The following CD34 variants were observed in gnomAD, a reference collection of about 807,000 sequenced individuals.
CD34 encodes hematopoietic progenitor cell antigen CD34.
A neutral mutation model predicts 40.1 loss-of-function variants in CD34; 34 were observed. The ratio of observed to expected loss-of-function variants is 0.85; its 90% confidence interval spans 0.65 to 1.13. CD34 has a LOEUF of 1.13. Among genes scored for constraint, CD34 ranks in the 50% most tolerant of loss-of-function variants. The pLI, the probability that CD34 is intolerant of heterozygous loss-of-function variation, is 0.00. For missense variants in CD34, 426 were observed against 466.9 expected (o/e 0.91, Z 0.81); for synonymous variants, 209 against 190.0 (o/e 1.10, Z -0.82).
At chr1:207,910,139 C>T (rs1167257513) in intron 1 of CD34, among the ~76,000 whole-genome samples, 2 of 151,462 alleles carry the variant, frequency 1.3e-5, no homozygotes, top group African/African-American at 4.9e-5. Flanking sequence ...TTTTTTTAAC[C>T]GAAGTGAGAG....
At chr1:207,907,765 T>G (rs1042339898) in intron 1 of CD34, among the ~76,000 whole-genome samples, 1 of 152,204 alleles carries the variant, frequency 6.6e-6, no homozygotes, top group Non-Finnish European at 1.5e-5. Flanking sequence ...CTAAAAGTCA[T>G]AGATAATATG....
intron 1 of CD34, among the ~76,000 whole-genome samples, chr1:207,909,439 C>T (rs529900395): frequency 5.3e-5 from 8 of 152,136 alleles, no homozygotes; most frequent in Non-Finnish European, 1.0e-4. Flanking sequence ...GAAGGAGTCT[C>T]GCTCTGTCTC....
At position 207,887,733 on chromosome 1, in the gene CD34, C is replaced by T. The variant is rs1382671502; in HGVS notation, c.*5G>A. On this transcript the variant is annotated 3_prime_UTR_variant, in exon 8 of 8. Transcript: ENST00000310833. ...CACTGCCCAGCCTTGCCCCACCTAG[C>T]CGAGTCACAATTCGGTATCAGCCAC... The T allele has an allele frequency of 6.2e-7, 1 of 1,613,958 alleles. No homozygotes were observed. Among genetic ancestry groups the T allele is most frequent in the African/African-American group, 1.3e-5 (1 of 74,874 alleles).
rs151003204 is a variant in CD34 at position 207,887,922 on chromosome 1, C to T, written c.974G>A (p.Gly325Asp). The stretch of plus-strand genomic sequence containing the variant: ...GTTTTCCGTGTAATAAGGGTCTTCG[C>T]CCTAGACAGTGTATAAATAAAGTAG... ...RSWSPTGERL[G>D]EDPYYTENGG... is the part of the protein sequence containing the mutation. Residue 325 changes from glycine (G) to aspartate (D), a missense_variant and splice_region_variant, in exon 8 of 8, where the codon GGC (glycine) becomes GAC (aspartate). Transcript: ENST00000310833. The T allele has an allele frequency of 2.0e-5, 33 of 1,613,456 alleles. No individual in the cohort carries two copies. The African/African-American group carries it at 3.5e-4, about 17-fold the overall frequency.
At chr1:207,898,119 C>T (rs925535847) in intron 3 of CD34, among the ~76,000 whole-genome samples, 3 of 151,838 alleles carry the variant, frequency 2.0e-5, no homozygotes, top group Non-Finnish European at 2.9e-5. Context: ...GATCTTGGCT[C>T]ACTGCAACCT....
At chr1:207,902,564 C>T in intron 1 of CD34, among the ~76,000 whole-genome samples, 1 of 152,182 alleles carries the variant, frequency 6.6e-6, no homozygotes, top group East Asian at 1.9e-4. Flanking sequence ...CTCAAGACAC[C>T]ATTCCAAGAC....
rs1379856736 is a variant in CD34, at chr1:207,884,189, C to G, written c.*3549G>C. 1.3e-5 allele frequency: 2 copies of G among 152,240 alleles called. No homozygotes were observed. The highest frequency in any genetic ancestry group is 4.8e-5 in the African/African-American group (2 of 41,460). 9.4% of individuals were successfully genotyped at this position (152,240 alleles called of 1,614,324 possible). On this transcript the variant is annotated 3_prime_UTR_variant, in exon 8 of 8. Coordinates refer to ENST00000310833, the MANE Select transcript of CD34 (RefSeq NM_001025109.2). ...TAATCTCTCCCAGCTTGGCATACAACCTGCTTCTCCACTTCATTCAAGTGA... is the reference window on the plus strand; with the variant it reads ...TAATCTCTCCCAGCTTGGCATACAAGCTGCTTCTCCACTTCATTCAAGTGA...
chr1:207,905,317 G>A (rs1051185400), intron 1 of CD34, among the ~76,000 whole-genome samples: 1 of 152,176 alleles, frequency 6.6e-6, no homozygotes, highest in African/African-American at 2.4e-5. Context: ...TGTATTTTTA[G>A]TAGAGACGGG....
intron 1 of CD34, among the ~76,000 whole-genome samples, chr1:207,904,204 GT>G (rs1219856087): frequency 6.6e-6 from 1 of 152,138 alleles, no homozygotes; most frequent in East Asian, 1.9e-4. Flanking sequence ...GCCCTCCTTA[GT>G]TTTTTCCTGG....
intron 1 of CD34, 79 bp downstream of exon 1, chr1:207,910,923 T>G (rs1345046698): frequency 7.3e-7 from 1 of 1,375,888 alleles, no homozygotes; most frequent in African/African-American, 1.4e-5. Flanking sequence ...GAGACTCTGC[T>G]CTGCTGTTCA....
chr1:207,888,785 G>A lies in CD34; in HGVS notation c.869C>T (p.Thr290Ile), dbSNP rs756721107. 1.2e-6 allele frequency: 2 copies of A among 1,614,050 alleles called. No individual in the cohort carries two copies. The highest frequency in any genetic ancestry group is 1.3e-5 in the African/African-American group (1 of 74,924). ...VASHQSYSQKTLIALVTSGAL... is the reference protein window; with the variant it reads ...VASHQSYSQKILIALVTSGAL... ...TCCCGAGGTGACCAGTGCAATCAGG[G>A]TCTTTTGGGAATAGCTCTGGTGGCT... The change falls in exon 7 of 8, where the codon ACC becomes ATC. Residue 290 changes from threonine (T) to isoleucine (I), a missense_variant. Physicochemically the swap from Thr to Ile is moderately conservative, Grantham distance 89. Transcript: ENST00000310833.
In CD34 at chr1:207,911,029, T is replaced by A. The variant is rs758179289; in HGVS notation, c.52A>T (p.Thr18Ser). ...AGCAAACTCAGCAAGCAAAGCGCGG[T>A]CCAGCCCCGCGGCATCCTGGGCCCT... is the stretch of plus-strand genomic sequence containing the variant. ...RAGPRMPRGW[T>S]ALCLLSLLPS... The change falls in exon 1 of 8, where the codon ACC (threonine) becomes TCC (serine). Residue 18 changes from threonine (T) to serine (S), a missense_variant. Transcript: ENST00000310833. The A allele has an allele frequency of 1.0e-5, 16 of 1,592,920 alleles. No individual in the cohort carries two copies. The highest frequency in any genetic ancestry group is 1.4e-5 in the Non-Finnish European group (16 of 1,173,018).
chr1:207,892,357 C>A (rs550325889), intron 4 of CD34, among the ~76,000 whole-genome samples: 3 of 152,226 alleles, frequency 2.0e-5, no homozygotes, highest in Admixed American at 6.5e-5. Flanking sequence ...ATGGACAAAT[C>A]AGATGAGGCC....
At position 207,898,961 on chromosome 1, in the gene CD34, C is replaced by A; in HGVS notation, c.516+12G>T. The A allele has an allele frequency of 6.2e-7, 1 of 1,613,310 alleles. No homozygotes were observed. The highest frequency in any genetic ancestry group is 8.5e-7 in the Non-Finnish European group (1 of 1,179,422). ...GAGGGGCAATCTGCCATTTTTGGCC[C>A]AATTCACCCACCTTGATGTCACTTA... On this transcript the variant is annotated intron_variant, in intron 3 of 7. Coordinates refer to ENST00000310833, the MANE Select transcript of CD34 (RefSeq NM_001025109.2).
At chr1:207,905,538 T>A (rs551887216) in intron 1 of CD34, among the ~76,000 whole-genome samples, 54 of 152,316 alleles carry the variant, frequency 3.5e-4, no homozygotes, top group South Asian at 1.0e-3. Context: ...CTCTGGCCCT[T>A]TATAGAAAAA....
At chr1:207,905,988 T>C (rs1448975193) in intron 1 of CD34, among the ~76,000 whole-genome samples, 3 of 152,232 alleles carry the variant, frequency 2.0e-5, no homozygotes, top group African/African-American at 4.8e-5. Flanking sequence ...ATTCATTCTG[T>C]GTATTCATTC....
rs759587686 is a variant in CD34, at chr1:207,911,054, T to TGC, written c.25_26dup (p.Gly10GlnfsTer15). ...TCCAGCCCCGCGGCATCCTGGGCCC[T>TGC]GCGCGCGCGCCCCTGCGGACCAGCA... On this transcript the variant is annotated frameshift_variant, in exon 1 of 8. Transcript: ENST00000310833. LOFTEE classifies it high-confidence loss of function. 6.3e-7 allele frequency: 1 copy of TGC among 1,591,696 alleles called. No homozygotes were observed. Among genetic ancestry groups the TGC allele is most frequent in the Admixed American group, 1.7e-5 (1 of 58,126 alleles).
At position 207,889,190 on chromosome 1, in the gene CD34, T is replaced by A. The variant is rs768882085; in HGVS notation, c.778A>T (p.Met260Leu). ...TTCAGGTCAGATTGGTGCTTTTTCA[T>A]AAGTTGGAGTTTGCTGGAAATTTCT... The part of the protein sequence containing the change: ...RTEISSKLQL[M>L]KKHQSDLKKL... The change falls in exon 6 of 8, where the codon ATG becomes TTG. Residue 260 changes from methionine (M) to leucine (L), a missense_variant. Transcript: ENST00000310833. The A allele has an allele frequency of 6.2e-7, 1 of 1,610,470 alleles. No individual in the cohort carries two copies. Among genetic ancestry groups the A allele is most frequent in the Non-Finnish European group, 8.5e-7 (1 of 1,176,770 alleles).
chr1:207,898,231 G>C (rs1459933336), intron 3 of CD34, among the ~76,000 whole-genome samples: 1 of 151,976 alleles, frequency 6.6e-6, no homozygotes, highest in Non-Finnish European at 1.5e-5. Flanking sequence ...TTTTGGTAGA[G>C]ACGGGGTTTC....
Sources: gnomAD v4.1 joint callset for allele counts (sites outside exome capture counted in the v4.1 genomes callset) on GRCh38, gnomAD v4.1.1 for gene constraint, MANE v1.5 for transcripts, NCBI Gene and HGNC (gene_info 2026-07-23, HGNC 2026-07-21) for gene names.